The following ZNF124 variants were observed in gnomAD, a reference collection of about 807,000 sequenced individuals.
ZNF124 encodes zinc finger protein HZF-16.
ZNF124 carries 25 observed loss-of-function variants against 26.6 expected under a neutral mutation model. The ratio of observed to expected loss-of-function variants is 0.94; its 90% CI spans 0.68 to 1.31. The LOEUF is 1.31. Among genes scored for constraint, ZNF124 ranks in the 40% most tolerant of loss-of-function variants. The pLI is 0.00. For synonymous variants in ZNF124, 129 were observed against 133.3 expected (o/e 0.97, Z 0.22); for missense variants, 444 against 422.2 (o/e 1.05, Z -0.45).
chr1:247,138,642 C>T (rs75273862), intron 3 of ZNF124: 13,068 of 397,776 alleles, frequency 0.033, 338 homozygotes, highest in Admixed American at 0.098. Flanking sequence ...AACAATTCTC[C>T]GATCAATCAC....
intron 3 of ZNF124, among the ~76,000 whole-genome samples, chr1:247,147,415 T>C (rs1175940484): frequency 6.6e-6 from 1 of 151,822 alleles, no homozygotes; most frequent in African/African-American, 2.4e-5. Flanking sequence ...TTATTAGAGA[T>C]GGGGTTTCAC....
intron 3 of ZNF124, among the ~76,000 whole-genome samples, chr1:247,145,220 T>A (rs909275585): frequency 6.6e-6 from 1 of 152,146 alleles, no homozygotes; most frequent in African/African-American, 2.4e-5. Context: ...AGTCAACAAA[T>A]TGTAACATAT....
At chr1:247,125,763 A>G (rs1672203123) in intron 3 of ZNF124, among the ~76,000 whole-genome samples, 1 of 152,134 alleles carries the variant, frequency 6.6e-6, no homozygotes, top group African/African-American at 2.4e-5. Flanking sequence ...GTGGTATCTC[A>G]TTGAGTTTTT....
chr1:247,157,177 G>C lies in ZNF124; in HGVS notation c.445C>G (p.Pro149Ala), dbSNP rs1401353186. ...IHQRNHTGEK[P>A]YECMECGKAL... ...TTCCCACATTCCATACATTCATAGG[G>C]TTTCTCTCCAGTGTGATTTCTCTGA... is the stretch of plus-strand genomic sequence containing the variant. Residue 149 changes from proline (P) to alanine (A), a missense_variant, in exon 4 of 4, where the codon CCC becomes GCC. Coordinates refer to ENST00000543802, the MANE Select transcript of ZNF124 (RefSeq NM_001297568.2). 1.2e-6 allele frequency: 2 copies of C among 1,614,038 alleles called. No individual in the cohort carries two copies. The highest frequency in any genetic ancestry group is 1.7e-6 in the Non-Finnish European group (2 of 1,179,908).
rs1257359255 is a variant in ZNF124, at chr1:247,155,493, G to A, written c.*1073C>T. On this transcript the variant is annotated 3_prime_UTR_variant, in exon 4 of 4. Coordinates refer to ENST00000543802, the MANE Select transcript of ZNF124 (RefSeq NM_001297568.2). Reference sequence around the variant, plus strand: ...ACACACTTTAAAATGGGTAGAAAAAGGAAATTTATTTACCAGCTTAAAAAA... The same window carrying A: ...ACACACTTTAAAATGGGTAGAAAAAAGAAATTTATTTACCAGCTTAAAAAA... 6.6e-6 allele frequency among the ~76,000 whole-genome samples: 1 copy of A among 152,018 alleles called. No individual in the cohort carries two copies. Among genetic ancestry groups the A allele is most frequent in the Non-Finnish European group, 1.5e-5 (1 of 68,000 alleles).
chr1:247,131,051 G>A (rs527442809), intron 3 of ZNF124, among the ~76,000 whole-genome samples: 2 of 152,278 alleles, frequency 1.3e-5, no homozygotes, highest in African/African-American at 4.8e-5. Flanking sequence ...ACCCCAACCT[G>A]GGCGACAATC....
At position 247,168,446 on chromosome 1, in the gene ZNF124, T is replaced by A. The variant is rs978972232; in HGVS notation, c.30+3402A>T. 6.6e-6 allele frequency among the ~76,000 whole-genome samples: 1 copy of A among 152,188 alleles called. No individual in the cohort carries two copies. The highest frequency in any genetic ancestry group is 2.4e-5 in the African/African-American group (1 of 41,448). On this transcript the variant is annotated intron_variant, in intron 1 of 3. Transcript: ENST00000543802. This position sits in a 1 kb window ranked among gnomAD's most constrained non-coding sequence, Gnocchi z 4.0. ...TACTTGGGAGGCTAAGGCATGAGAA[T>A]CCCTTGAACCCAGGCGACGGAAGGT... is the stretch of plus-strand genomic sequence containing the variant.
At chr1:247,123,815 T>C in exon 4 of ZNF124, 1 of 701,770 alleles carries the variant, frequency 1.4e-6, no homozygotes, top group Non-Finnish European at 2.6e-6. Flanking sequence ...CCCAGCCTCT[T>C]AGTAGCTGTG....
chr1:247,150,661 A>G (rs1672904658), downstream of ZNF124, among the ~76,000 whole-genome samples: 1 of 152,108 alleles, frequency 6.6e-6, no homozygotes, highest in Non-Finnish European at 1.5e-5. Context: ...ATGCTGGGGA[A>G]AGAACAAATA....
chr1:247,164,580 T>C (rs1009989235), intron 1 of ZNF124, among the ~76,000 whole-genome samples: 7 of 150,678 alleles, frequency 4.6e-5, no homozygotes, highest in African/African-American at 1.5e-4. Flanking sequence ...AGTTACAAGA[T>C]GCTGCTGGGA....
At chr1:247,165,004 T>C (rs1010025673) in intron 1 of ZNF124, among the ~76,000 whole-genome samples, 2 of 151,982 alleles carry the variant, frequency 1.3e-5, no homozygotes. Context: ...TCTTGCTCTG[T>C]CACCCAGGCT....
intron 3 of ZNF124, among the ~76,000 whole-genome samples, chr1:247,137,837 T>A (rs1672524196): frequency 6.6e-6 from 1 of 152,124 alleles, no homozygotes. Context: ...CATTTATGCA[T>A]CTAACAAACA....
chr1:247,131,147 A>T (rs989455517), intron 3 of ZNF124, among the ~76,000 whole-genome samples: 1 of 152,146 alleles, frequency 6.6e-6, no homozygotes, highest in African/African-American at 2.4e-5. Context: ...AATTGACTAG[A>T]AGGATGGTGT....
downstream of ZNF124, among the ~76,000 whole-genome samples, chr1:247,153,956 T>C (rs943903971): frequency 6.6e-6 from 1 of 152,196 alleles, no homozygotes; most frequent in Non-Finnish European, 1.5e-5. Context: ...TCTATGGATA[T>C]GCACCTCATC....
intron 3 of ZNF124, 81 bp downstream of exon 3, chr1:247,158,925 G>T (rs1426241376): frequency 4.5e-6 from 6 of 1,320,458 alleles, no homozygotes; most frequent in Non-Finnish European, 6.4e-6. Flanking sequence ...CACCATGCCT[G>T]GCCTTGTTTG....
intron 3 of ZNF124, among the ~76,000 whole-genome samples, chr1:247,128,746 GA>G (rs1323936605): frequency 6.7e-6 from 1 of 148,428 alleles, no homozygotes; most frequent in African/African-American, 2.5e-5. Flanking sequence ...TGTGAAGGGA[GA>G]ACAGCTATTC....
chr1:247,162,630 AAAAAGC>A (rs201704560), intron 1 of ZNF124, among the ~76,000 whole-genome samples: 2,891 of 151,562 alleles, frequency 0.019, 86 homozygotes, highest in African/African-American at 0.067. Context: ...AAAAAAAAAA[AAAAAGC>A]AGGGATTACT....
In ZNF124 at chr1:247,131,066, CAAAA is replaced by C. The variant is rs781062817; in HGVS notation, c.219-7199_219-7196del. 8.5e-5 allele frequency among the ~76,000 whole-genome samples: 13 copies of C among 152,280 alleles called. No individual in the cohort carries two copies. In the East Asian group the frequency reaches 1.2e-3, roughly 14 times the overall value. ...ACCCCAACCTGGGCGACAATCAAAA[CAAAA>C]CAAACAAACTAAAAAACTCATAATA... On this transcript the variant is annotated intron_variant, in intron 3 of 3. Transcript: ENST00000472531.
intron 3 of ZNF124, chr1:247,138,626 A>G: frequency 2.5e-6 from 1 of 397,452 alleles, no homozygotes. Flanking sequence ...GGACTAATTT[A>G]AAATGAACAA....
Sources: allele counts gnomAD v4.1 joint callset (sites outside exome capture counted in the v4.1 genomes callset), GRCh38; gene constraint gnomAD v4.1.1; non-coding constraint Gnocchi (gnomAD v3.1); transcripts MANE v1.5; gene names NCBI Gene and HGNC (gene_info 2026-07-23, HGNC 2026-07-21).